Variants in STK32B observed in about 807,000 individuals in gnomAD.
STK32B encodes the protein serine/threonine-protein kinase 32B.
STK32B carries 43 observed loss-of-function variants against 52.6 expected under a neutral mutation model. The ratio of observed to expected loss-of-function variants is 0.82; its 90% CI spans 0.64 to 1.05. The LOEUF (loss-of-function observed/expected upper bound fraction) is 1.05, where lower values mean the gene tolerates loss of function less well. Among genes scored for constraint, STK32B ranks in the 50% least tolerant of loss-of-function variants. STK32B has a pLI of 0.00. For missense variants in STK32B, 621 were observed against 534.6 expected, an observed-to-expected ratio of 1.16 and a Z score of -1.59; for synonymous variants, 238 against 204.3, an observed-to-expected ratio of 1.17 and a Z score of -1.41.
At chr4:5,047,306 GGAA>G (rs1392207541), upstream of STK32B, among the ~76,000 whole-genome samples, 1 of 151,734 alleles carries the variant, frequency 6.6e-6, no homozygotes, top group Non-Finnish European at 1.5e-5. Context: ...CATGGACACA[GGAA>G]GAAGAACAAC....
chr4:5,220,945 T>C (rs1404581796), intron 3 of STK32B, among the ~76,000 whole-genome samples: 1 of 152,224 alleles, frequency 6.6e-6, no homozygotes, highest in East Asian at 1.9e-4. Flanking sequence ...CTGGGGAAAG[T>C]TGCTACCATC....
At chr4:5,081,169 C>G (rs1443803974) in intron 1 of STK32B, among the ~76,000 whole-genome samples, 1 of 152,120 alleles carries the variant, frequency 6.6e-6, no homozygotes, top group Non-Finnish European at 1.5e-5. Context: ...GTATTTAGGG[C>G]TGACTAATAC....
chr4:5,450,060 G>A (rs1715850177), intron 7 of STK32B, among the ~76,000 whole-genome samples: 1 of 152,134 alleles, frequency 6.6e-6, no homozygotes, highest in Non-Finnish European at 1.5e-5. Context: ...CCAGTCCCTG[G>A]TGCCAAAAAT....
At chr4:5,081,970 C>T (rs535671876) in intron 1 of STK32B, among the ~76,000 whole-genome samples, 53 of 152,242 alleles carry the variant, frequency 3.5e-4, no homozygotes, top group African/African-American at 1.3e-3. Context: ...GTTTCTGGCA[C>T]CCTTGCCTTT....
chr4:5,402,782 T>TG (rs992692504), intron 5 of STK32B, among the ~76,000 whole-genome samples: 1 of 152,146 alleles, frequency 6.6e-6, no homozygotes, highest in African/African-American at 2.4e-5. Flanking sequence ...GATGACCCGT[T>TG]GGGGTCAAGG....
At chr4:5,485,616 T>C (rs1719106090) in intron 11 of STK32B, among the ~76,000 whole-genome samples, 1 of 152,234 alleles carries the variant, frequency 6.6e-6, no homozygotes, top group Non-Finnish European at 1.5e-5. Context: ...CCAGCTTTGT[T>C]CCGTTGCTGG....
At chr4:5,065,282 G>A (rs1742375946) in intron 1 of STK32B, among the ~76,000 whole-genome samples, 1 of 152,186 alleles carries the variant, frequency 6.6e-6, no homozygotes, top group Non-Finnish European at 1.5e-5. Context: ...TATAGAAGCA[G>A]CAACTTCAGC....
intron 11 of STK32B, among the ~76,000 whole-genome samples, chr4:5,473,488 G>T (rs1216564355): frequency 6.6e-6 from 1 of 152,162 alleles, no homozygotes; most frequent in Non-Finnish European, 1.5e-5. Context: ...CATTTCACAG[G>T]TTAGGAAGTA....
rs903245796 is a variant in STK32B, at chr4:5,058,511, C to T, written c.52+6596C>T. Among the ~76,000 whole-genome samples, 14 of 152,190 alleles carry T rather than the reference C, an allele frequency of 9.2e-5. No homozygotes were observed. The highest frequency in any genetic ancestry group is 3.4e-4 in the African/African-American group (14 of 41,442). ...GAGATCACACTCACTGCTAGCCAGC[C>T]TGCACTGAGACATGGCATGAGTGGG... On this transcript the variant is annotated intron_variant, in intron 1 of 11. Transcript: ENST00000282908. The surrounding 1 kb of genome is among the most constrained non-coding windows in gnomAD (Gnocchi z 4.8).
At chr4:5,370,141 C>T (rs1735134112) in intron 4 of STK32B, among the ~76,000 whole-genome samples, 1 of 152,158 alleles carries the variant, frequency 6.6e-6, no homozygotes, top group African/African-American at 2.4e-5. Context: ...TCCCAAAGTG[C>T]TGGGATTACA....
chr4:5,171,272 A>G (rs1201692996), intron 3 of STK32B, among the ~76,000 whole-genome samples: 1 of 152,036 alleles, frequency 6.6e-6, no homozygotes, highest in African/African-American at 2.4e-5. Flanking sequence ...GTTCACTCTG[A>G]TGGTGGTTTC....
chr4:5,166,032 A>T (rs556991478), intron 2 of STK32B, among the ~76,000 whole-genome samples: 4 of 152,154 alleles, frequency 2.6e-5, no homozygotes, highest in African/African-American at 9.7e-5. Flanking sequence ...AGAGAGGCAC[A>T]AAGAACCAAA....
intron 11 of STK32B, among the ~76,000 whole-genome samples, chr4:5,480,990 C>T (rs1718652687): frequency 6.6e-6 from 1 of 152,094 alleles, no homozygotes; most frequent in Non-Finnish European, 1.5e-5. Context: ...CATTGTTGGA[C>T]ATTTGGCTTG....
intron 11 of STK32B, among the ~76,000 whole-genome samples, chr4:5,493,022 A>T (rs916891436): frequency 1.3e-5 from 2 of 151,338 alleles, no homozygotes; most frequent in African/African-American, 4.9e-5. Context: ...TTCATCAAGG[A>T]TATTGGTCTA....
intron 3 of STK32B, among the ~76,000 whole-genome samples, chr4:5,171,062 G>C (rs1199689930): frequency 6.6e-6 from 1 of 152,192 alleles, no homozygotes; most frequent in Non-Finnish European, 1.5e-5. Context: ...GACCAGTGAT[G>C]ATGAGCATTT....
At chr4:5,053,944 A>G (rs1375609593) in intron 1 of STK32B, among the ~76,000 whole-genome samples, 3 of 152,026 alleles carry the variant, frequency 2.0e-5, no homozygotes, top group Non-Finnish European at 4.4e-5. Context: ...GCACCATTGC[A>G]TTCGAGCCTG....
chr4:5,039,505 T>C, the STK32B span, among the ~76,000 whole-genome samples: 2 of 152,214 alleles, frequency 1.3e-5, no homozygotes, highest in African/African-American at 4.8e-5. Flanking sequence ...AGGATAACAA[T>C]GCCTTCTTCT....
chr4:5,204,173 G>C (rs917662913), intron 3 of STK32B: 3 of 152,152 alleles, frequency 2.0e-5, no homozygotes, highest in Non-Finnish European at 4.4e-5. Context: ...CTGCACTTTC[G>C]AAAGAGCAGA....
At chr4:5,132,653 CA>C (rs1441849666) in intron 1 of STK32B, among the ~76,000 whole-genome samples, 1 of 150,964 alleles carries the variant, frequency 6.6e-6, no homozygotes, top group Non-Finnish European at 1.5e-5. Flanking sequence ...GTCCTGCTGA[CA>C]GCAGGATTTC....
Sources: allele counts gnomAD v4.1 joint callset (sites outside exome capture counted in the v4.1 genomes callset), GRCh38; gene constraint gnomAD v4.1.1; non-coding constraint Gnocchi (gnomAD v3.1); transcripts MANE v1.5; gene names NCBI Gene and HGNC (gene_info 2026-07-23, HGNC 2026-07-21).